SCAPER: variants seen among roughly 807,000 people sequenced by gnomAD.
SCAPER encodes the protein S phase cyclin A-associated protein in the endoplasmic reticulum.
SCAPER carries 98 observed loss-of-function variants against 182.2 expected under a neutral mutation model. The observed-to-expected ratio is 0.54, with a 90% CI of 0.46 to 0.64. The LOEUF (loss-of-function observed/expected upper bound fraction) is 0.64. Among genes scored for constraint, SCAPER ranks in the 30% least tolerant of loss-of-function variants. The pLI, the probability that SCAPER is intolerant of heterozygous loss-of-function variation, is 0.00. For missense variants in SCAPER, 1,432 were observed against 1,690.0 expected (o/e 0.85, Z 2.68); for synonymous variants, 605 against 564.6 (o/e 1.07, Z -1.01).
At chr15:76,516,089 T>C (rs1271846404) in intron 23 of SCAPER, among the ~76,000 whole-genome samples, 1 of 151,970 alleles carries the variant, frequency 6.6e-6, no homozygotes, top group Non-Finnish European at 1.5e-5. Context: ...CACAGGGCCT[T>C]TGTCAATCAT....
intron 23 of SCAPER, among the ~76,000 whole-genome samples, chr15:76,550,165 G>C (rs2045638480): frequency 6.6e-6 from 1 of 152,038 alleles, no homozygotes; most frequent in Non-Finnish European, 1.5e-5. Context: ...ATTGACAAAA[G>C]ATCTGAACAG....
chr15:76,585,443 G>C (rs537668851), intron 22 of SCAPER, among the ~76,000 whole-genome samples: 233 of 152,266 alleles, frequency 1.5e-3, no homozygotes, highest in Middle Eastern at 6.8e-3. Context: ...TATTGGCAGT[G>C]AACTTCACTG....
chr15:76,415,252 G>A (rs1030194306), intron 26 of SCAPER, among the ~76,000 whole-genome samples: 2 of 152,054 alleles, frequency 1.3e-5, no homozygotes, highest in African/African-American at 4.8e-5. Flanking sequence ...TTGGTTTTAA[G>A]GTATCAACTT....
rs569967305 is a variant in SCAPER at position 76,774,550 on chromosome 15, T to C, written c.1035+305A>G. 10 of 343,018 alleles carry C rather than the reference T, an allele frequency of 2.9e-5. No individual in the cohort carries two copies. The South Asian group carries it at 3.4e-4, about 12-fold the overall frequency. The allele number at this position is 343,018 out of a possible 1,614,324, so 21.2% of individuals were successfully genotyped here. ...AATGTCTTTGTTCTTTGGAGATCCA[T>C]GCTCTAGGATTTAAAGGTGAATGCT... On this transcript the variant is annotated intron_variant, in intron 9 of 31. Coordinates refer to ENST00000563290, the MANE Select transcript of SCAPER (RefSeq NM_020843.4).
intron 5 of SCAPER, among the ~76,000 whole-genome samples, chr15:76,811,420 A>G (rs1354029775): frequency 6.6e-6 from 1 of 152,226 alleles, no homozygotes; most frequent in Non-Finnish European, 1.5e-5. Flanking sequence ...GAAGAAACCA[A>G]AAGAAAAGTT....
chr15:76,669,312 T>C (rs2056847074), intron 20 of SCAPER, among the ~76,000 whole-genome samples: 1 of 152,204 alleles, frequency 6.6e-6, no homozygotes, highest in African/African-American at 2.4e-5. Context: ...GCCTATGGTA[T>C]ACTATACCTT....
At chr15:76,817,023 C>G (rs760295051) in intron 5 of SCAPER, among the ~76,000 whole-genome samples, 7 of 152,170 alleles carry the variant, frequency 4.6e-5, no homozygotes, top group Non-Finnish European at 1.0e-4. Context: ...ACTATACTTC[C>G]ATGCAACTGG....
chr15:76,475,935 A>G (rs2050591796), intron 24 of SCAPER, among the ~76,000 whole-genome samples: 1 of 152,170 alleles, frequency 6.6e-6, no homozygotes, highest in Non-Finnish European at 1.5e-5. Flanking sequence ...GCTTCTCCCT[A>G]TTACTCATGT....
At position 76,589,394 on chromosome 15, in the gene SCAPER, G is replaced by A. The variant is rs150108432; in HGVS notation, c.2712-15110C>T. On this transcript the variant is annotated intron_variant, in intron 22 of 31. Transcript: ENST00000563290. ...ATTCTCCTTGGGTGGGGCTTGCTGC[G>A]GCAATGGAGTTATGTTCCCAGGAGG... 8.2e-4 allele frequency among the ~76,000 whole-genome samples: 125 copies of A among 152,216 alleles called. 1 individual carries two copies. Among genetic ancestry groups the A allele is most frequent in the Admixed American group, 1.5e-3 (23 of 15,282 alleles).
chr15:76,734,096 A>C (rs1450951041), intron 15 of SCAPER, among the ~76,000 whole-genome samples: 1 of 152,224 alleles, frequency 6.6e-6, no homozygotes, highest in Non-Finnish European at 1.5e-5. Flanking sequence ...ATGAGTTTGA[A>C]AGGACAAAAT....
chr15:76,680,151 G>A (rs2057608448), intron 20 of SCAPER, among the ~76,000 whole-genome samples: 1 of 152,060 alleles, frequency 6.6e-6, no homozygotes, highest in African/African-American at 2.4e-5. Flanking sequence ...TTAGTTTCGA[G>A]TAGCTTCCAC....
rs140729558 is a variant in SCAPER, at chr15:76,761,183, C to T, written c.1725+3778G>A. ...GTTCTTTATGATCCTTTTTGTTTCT[C>T]TGTTATCCATTGTAATGACTCTACT... is the stretch of plus-strand genomic sequence containing the variant. On this transcript the variant is annotated intron_variant, in intron 14 of 31. Transcript: ENST00000563290. 5.7e-3 allele frequency among the ~76,000 whole-genome samples: 873 copies of T among 152,120 alleles called. 19 individuals carry two copies. The highest frequency in any genetic ancestry group is 0.037 in the East Asian group (194 of 5,184).
intron 30 of SCAPER, among the ~76,000 whole-genome samples, chr15:76,353,043 T>C (rs2040695128): frequency 6.6e-6 from 1 of 152,150 alleles, no homozygotes; most frequent in Non-Finnish European, 1.5e-5. Flanking sequence ...AACTTTGAAA[T>C]GTTGTCTAAG....
chr15:76,486,449 T>G (rs780993264), intron 24 of SCAPER, among the ~76,000 whole-genome samples: 9 of 152,012 alleles, frequency 5.9e-5, no homozygotes, highest in Non-Finnish European at 7.4e-5. Flanking sequence ...GGAGAAAATT[T>G]TTGCAAACTA....
At chr15:76,616,259 A>T (rs746289867) in intron 22 of SCAPER, among the ~76,000 whole-genome samples, 3 of 152,210 alleles carry the variant, frequency 2.0e-5, no homozygotes, top group Non-Finnish European at 4.4e-5. Flanking sequence ...ATGGATAAGC[A>T]ACACATATAG....
intron 15 of SCAPER, among the ~76,000 whole-genome samples, chr15:76,751,353 ACT>A (rs1350980398): frequency 6.6e-6 from 1 of 151,662 alleles, no homozygotes; most frequent in African/African-American, 2.4e-5. Flanking sequence ...TCCAATGATG[ACT>A]CTGCAGAAAC....
At chr15:76,515,869 T>G (rs1279271322) in intron 23 of SCAPER, among the ~76,000 whole-genome samples, 1 of 152,164 alleles carries the variant, frequency 6.6e-6, no homozygotes. Context: ...ACATCAGAAA[T>G]TCCCTTAAGA....
At chr15:76,891,329 G>A (rs563119573) in intron 1 of SCAPER, among the ~76,000 whole-genome samples, 1 of 152,110 alleles carries the variant, frequency 6.6e-6, no homozygotes, top group African/African-American at 2.4e-5. Flanking sequence ...GAGCAATTAG[G>A]CAAGAGAAAG....
chr15:76,447,806 G>A (rs139317129), intron 25 of SCAPER, among the ~76,000 whole-genome samples: 4 of 152,180 alleles, frequency 2.6e-5, no homozygotes, highest in African/African-American at 9.7e-5. Context: ...AGGTGAAGAG[G>A]AAAAACATGG....
Sources: gnomAD v4.1 joint callset for allele counts (sites outside exome capture counted in the v4.1 genomes callset) on GRCh38, gnomAD v4.1.1 for gene constraint, MANE v1.5 for transcripts, NCBI Gene and HGNC (gene_info 2026-07-23, HGNC 2026-07-21) for gene names.